Variants in CEP112 observed in about 807,000 individuals in gnomAD.
CEP112 encodes the protein centrosomal protein of 112 kDa.
Under a neutral mutation model 153.0 loss-of-function variants are expected in CEP112, and 127 were observed. The observed-to-expected ratio is 0.83, with a 90% CI of 0.72 to 0.96. The LOEUF (loss-of-function observed/expected upper bound fraction) is 0.96. Ranked by LOEUF, CEP112 falls within the 40% of genes least tolerant of loss-of-function variation. CEP112 has a pLI of 0.00. For missense variants in CEP112, 1,089 were observed against 1,101.2 expected (o/e 0.99, Z 0.16); for synonymous variants, 358 against 374.4 (o/e 0.96, Z 0.51).
intron 11 of CEP112, among the ~76,000 whole-genome samples, chr17:66,056,702 C>A (rs2083793): frequency 0.46 from 70,454 of 151,734 alleles, 17,397 homozygotes; most frequent in East Asian, 0.89. Flanking sequence ...TAAAGACAAA[C>A]AGTAGATTGA....
intron 12 of CEP112, among the ~76,000 whole-genome samples, chr17:66,031,031 T>C (rs927840646): frequency 6.6e-6 from 1 of 152,174 alleles, no homozygotes; most frequent in Non-Finnish European, 1.5e-5. Context: ...AAATGACTTA[T>C]CTAACTTAAA....
intron 21 of CEP112, among the ~76,000 whole-genome samples, chr17:65,830,656 G>A (rs2057036698): frequency 6.6e-6 from 1 of 152,188 alleles, no homozygotes; most frequent in African/African-American, 2.4e-5. Flanking sequence ...GAATCTGTGG[G>A]AAGGCTCGAA....
At chr17:65,729,325 C>G (rs2050359655) in intron 23 of CEP112, among the ~76,000 whole-genome samples, 1 of 152,174 alleles carries the variant, frequency 6.6e-6, no homozygotes, top group African/African-American at 2.4e-5. Context: ...TGTAGTCCAT[C>G]TTGACTGATA....
chr17:65,730,708 C>T (rs532290430), intron 23 of CEP112, among the ~76,000 whole-genome samples: 1 of 152,052 alleles, frequency 6.6e-6, no homozygotes, highest in African/African-American at 2.4e-5. Flanking sequence ...AAATTGATTC[C>T]TGTAAGCTTT....
At chr17:65,708,327 C>T (rs965059083) in intron 23 of CEP112, among the ~76,000 whole-genome samples, 3 of 152,140 alleles carry the variant, frequency 2.0e-5, no homozygotes, top group African/African-American at 7.2e-5. Context: ...GGATCAAACC[C>T]TATTTTAGGA....
chr17:66,113,186 A>T (rs964331768), intron 6 of CEP112, among the ~76,000 whole-genome samples: 1 of 125,086 alleles, frequency 8.0e-6, no homozygotes, highest in African/African-American at 3.6e-5. Context: ...ACATGCAATT[A>T]AATATGTACC....
intron 8 of CEP112, among the ~76,000 whole-genome samples, chr17:66,094,302 C>T (rs929610627): frequency 1.3e-5 from 2 of 152,108 alleles, no homozygotes; most frequent in South Asian, 2.1e-4. Context: ...TCAAGTGATC[C>T]GCCCACCTCA....
intron 23 of CEP112, among the ~76,000 whole-genome samples, chr17:65,711,806 C>T (rs1449376177): frequency 2.0e-5 from 3 of 152,196 alleles, no homozygotes; most frequent in East Asian, 1.9e-4. Flanking sequence ...AGCTCATTCA[C>T]GATCTTCTGG....
intron 6 of CEP112, among the ~76,000 whole-genome samples, chr17:66,117,178 G>A (rs187291330): frequency 5.9e-5 from 9 of 152,178 alleles, no homozygotes; most frequent in Non-Finnish European, 1.0e-4. Context: ...ACAGGTGTGA[G>A]CTACCGTACC....
intron 6 of CEP112, among the ~76,000 whole-genome samples, chr17:66,119,770 T>C (rs890523023): frequency 1.3e-5 from 2 of 152,174 alleles, no homozygotes; most frequent in Non-Finnish European, 2.9e-5. Context: ...AGGAGTGAGA[T>C]TGGTGGGTCA....
chr17:66,095,303 TACACACAC>T (rs142218222), intron 8 of CEP112, among the ~76,000 whole-genome samples: 1 of 150,528 alleles, frequency 6.6e-6, no homozygotes, highest in Admixed American at 6.6e-5. Flanking sequence ...CACACACACA[TACACACAC>T]ACACACAATG....
rs1383850229 is a variant in CEP112 at position 65,660,326 on chromosome 17, TTC to T, written c.2698-19263_2698-19262del. On this transcript the variant is annotated intron_variant, in intron 24 of 26. Transcript: ENST00000535342. ...TTTCTCTCTTTCTTTCTTCCTTTCT[TTC>T]TCTTTCTTTCTTTTTCTCTCTCGTT... 1.9e-3 allele frequency among the ~76,000 whole-genome samples: 206 copies of T among 106,654 alleles called. 9 individuals are homozygous for T. The highest frequency in any genetic ancestry group is 8.7e-3 in the African/African-American group (191 of 21,832). 70.0% of individuals were successfully genotyped at this position (106,654 alleles called of 152,430 possible).
At position 65,800,381 on chromosome 17, in the gene CEP112, A is replaced by AT. The variant is rs550546935; in HGVS notation, c.2395-49658dup. ...ACAATATGTGTGCTTTTGTGTCCAG[A>AT]TTTTTTTTATTTACATAGTATTTTC... On this transcript the variant is annotated intron_variant, in intron 21 of 26. Coordinates refer to ENST00000535342, the MANE Select transcript of CEP112 (RefSeq NM_001199165.4). 2.6e-5 allele frequency among the ~76,000 whole-genome samples: 4 copies of AT among 152,088 alleles called. No homozygotes were observed. The East Asian group carries it at 7.7e-4, about 29-fold the overall frequency.
chr17:65,993,277 C>A (rs989849682), intron 17 of CEP112, among the ~76,000 whole-genome samples: 13 of 152,116 alleles, frequency 8.5e-5, no homozygotes, highest in African/African-American at 3.1e-4. Flanking sequence ...GATCTCACTG[C>A]TTTTTATAGC....
rs1310451888 is a variant in CEP112, at chr17:66,005,919, A to G, written c.1657-150T>C. 1.7e-5 allele frequency: 10 copies of G among 580,542 alleles called. No homozygotes were observed. The South Asian group carries it at 2.7e-4, about 16-fold the overall frequency. The allele number at this position is 580,542 out of a possible 1,614,324, so 36.0% of individuals were successfully genotyped here. A position where few individuals can be genotyped will look rare whatever the true frequency, so the allele number is the denominator to read the frequency against. ...AAGATAGAAACTTGGTCTACCATAG[A>G]ATGATTTCAATACTATACTCAAATA... is the stretch of plus-strand genomic sequence containing the variant. On this transcript the variant is annotated intron_variant, in intron 16 of 26. Coordinates refer to ENST00000535342, the MANE Select transcript of CEP112 (RefSeq NM_001199165.4).
Position 65,821,533 on chromosome 17 carries a change from TA to T in CEP112, c.2394+30270del, listed in dbSNP as rs1568067318. Among the ~76,000 whole-genome samples, 183 of 30,224 alleles carry T rather than the reference TA, an allele frequency of 6.1e-3. 1 individual carries two copies. Among genetic ancestry groups the T allele is most frequent in the African/African-American group, 0.011 (91 of 8,006 alleles). 19.8% of individuals were successfully genotyped at this position (30,224 alleles called of 152,430 possible). On this transcript the variant is annotated intron_variant, in intron 21 of 26. Coordinates refer to ENST00000535342, the MANE Select transcript of CEP112 (RefSeq NM_001199165.4). ...ATATAATTATATATATATATATATATATATATATTTTTTTTTTTTTTTTTTT... is the reference window on the plus strand; with the variant it reads ...ATATAATTATATATATATATATATATTATATATTTTTTTTTTTTTTTTTTT...
At chr17:65,943,584 A>C (rs1487725218) in intron 18 of CEP112, among the ~76,000 whole-genome samples, 1 of 152,160 alleles carries the variant, frequency 6.6e-6, no homozygotes, top group Non-Finnish European at 1.5e-5. Context: ...GTCTACTGTT[A>C]GTCTGATGAG....
chr17:65,830,816 G>T (rs1171563020), intron 21 of CEP112, among the ~76,000 whole-genome samples: 2 of 152,170 alleles, frequency 1.3e-5, no homozygotes, highest in Non-Finnish European at 2.9e-5. Flanking sequence ...GTAGTTCAAA[G>T]GTAATGTTTA....
At chr17:65,923,398 G>A (rs1338211994) in intron 19 of CEP112, among the ~76,000 whole-genome samples, 1 of 151,912 alleles carries the variant, frequency 6.6e-6, no homozygotes, top group Non-Finnish European at 1.5e-5. Flanking sequence ...ATATAATATA[G>A]ACCAGGCACG....
Sources: allele counts gnomAD v4.1 joint callset (sites outside exome capture counted in the v4.1 genomes callset), GRCh38; gene constraint gnomAD v4.1.1; transcripts MANE v1.5; gene names NCBI Gene and HGNC (gene_info 2026-07-23, HGNC 2026-07-21).